Variants in PCDH9 observed in about 807,000 individuals in gnomAD.
PCDH9 encodes the protein protocadherin-9.
A neutral mutation model predicts 70.6 loss-of-function variants in PCDH9; 24 were observed. The observed-to-expected ratio is 0.34, with a 90% confidence interval of 0.25 to 0.48. The LOEUF (loss-of-function observed/expected upper bound fraction) is 0.48, where lower values mean the gene tolerates loss of function less well. PCDH9 is among the 20% of genes least tolerant of loss of function. The probability of loss-of-function intolerance (pLI) is 0.99; values close to 1 mark genes in which losing one functional copy is unlikely to be tolerated. For synonymous variants in PCDH9, 562 were observed against 558.5 expected, an observed-to-expected ratio of 1.01 and a Z score of -0.09; for missense variants, 1,281 against 1,503.6, an observed-to-expected ratio of 0.85 and a Z score of 2.45.
chr13:66,477,669 T>C (rs967281364), intron 4 of PCDH9, among the ~76,000 whole-genome samples: 11 of 152,186 alleles, frequency 7.2e-5, no homozygotes, highest in Non-Finnish European at 1.6e-4. Context: ...GTAAGACACT[T>C]ATAGTGTTTT....
At chr13:66,747,734 G>C (rs2079393847) in intron 3 of PCDH9, among the ~76,000 whole-genome samples, 1 of 151,848 alleles carries the variant, frequency 6.6e-6, no homozygotes, top group Non-Finnish European at 1.5e-5. Flanking sequence ...ATTTATCTAA[G>C]ATTAATACAC....
chr13:67,037,291 C>T (rs1005524262), intron 2 of PCDH9, among the ~76,000 whole-genome samples: 3 of 152,224 alleles, frequency 2.0e-5, no homozygotes, highest in Non-Finnish European at 4.4e-5. Flanking sequence ...GTTACTCGCT[C>T]GACTTGCAAC....
chr13:66,652,265 T>G (rs890896341), intron 3 of PCDH9, among the ~76,000 whole-genome samples: 24 of 152,106 alleles, frequency 1.6e-4, no homozygotes, highest in African/African-American at 5.8e-4. Flanking sequence ...TGATTAGAAC[T>G]GATAAAGTCA....
At chr13:66,619,021 T>C (rs553365075) in intron 4 of PCDH9, among the ~76,000 whole-genome samples, 1 of 152,322 alleles carries the variant, frequency 6.6e-6, no homozygotes, top group South Asian at 2.1e-4. Context: ...AAAATTTTTA[T>C]AGTAAACAAT....
intron 4 of PCDH9, among the ~76,000 whole-genome samples, chr13:66,622,068 G>A (rs2077429142): frequency 6.6e-6 from 1 of 152,246 alleles, no homozygotes; most frequent in African/African-American, 2.4e-5. Context: ...GTTGGCCCAG[G>A]GCAATGAGGG....
chr13:66,353,821 G>A (rs1956334448), intron 4 of PCDH9, among the ~76,000 whole-genome samples: 1 of 151,988 alleles, frequency 6.6e-6, no homozygotes, highest in Non-Finnish European at 1.5e-5. Context: ...ATTTGCTGCT[G>A]TATTTTTATC....
chr13:66,750,265 C>T (rs569637739), intron 3 of PCDH9, among the ~76,000 whole-genome samples: 8 of 152,194 alleles, frequency 5.3e-5, no homozygotes, highest in African/African-American at 1.7e-4. Flanking sequence ...AGTTAATTAT[C>T]AAACAATAAA....
At chr13:66,614,506 T>C (rs7988104) in intron 4 of PCDH9, among the ~76,000 whole-genome samples, 22,394 of 152,232 alleles carry the variant, frequency 0.15, 1,858 homozygotes, top group Middle Eastern at 0.2. Context: ...AAATAACTTA[T>C]GGTAATCTGG....
intron 2 of PCDH9, chr13:67,001,736 G>A (rs550676803): frequency 6.6e-6 from 1 of 152,390 alleles, no homozygotes; most frequent in Admixed American, 6.5e-5. Flanking sequence ...CCCCGCTTAA[G>A]AGCAGAACCT....
intron 2 of PCDH9, among the ~76,000 whole-genome samples, chr13:67,033,748 G>C (rs920661759): frequency 6.6e-6 from 1 of 152,114 alleles, no homozygotes; most frequent in Non-Finnish European, 1.5e-5. Context: ...TGTCTTTAAC[G>C]CTTAAGAAGA....
chr13:66,599,071 T>A (rs931621302), intron 4 of PCDH9, among the ~76,000 whole-genome samples: 1 of 151,862 alleles, frequency 6.6e-6, no homozygotes, highest in Non-Finnish European at 1.5e-5. Context: ...TTTCCTTTTT[T>A]GTAAAGCAAG....
At chr13:67,117,692 G>A (rs555978665) in intron 2 of PCDH9, among the ~76,000 whole-genome samples, 1 of 152,236 alleles carries the variant, frequency 6.6e-6, no homozygotes, top group South Asian at 2.1e-4. Context: ...AATCTTATCT[G>A]AGGTAATAAT....
intron 4 of PCDH9, among the ~76,000 whole-genome samples, chr13:66,446,547 C>T (rs1958093492): frequency 6.6e-6 from 1 of 151,988 alleles, no homozygotes; most frequent in Non-Finnish European, 1.5e-5. Context: ...AAGATCCATG[C>T]TACATATGAA....
At chr13:66,803,897 C>A (rs1435447403) in intron 3 of PCDH9, among the ~76,000 whole-genome samples, 1 of 152,142 alleles carries the variant, frequency 6.6e-6, no homozygotes, top group East Asian at 1.9e-4. Context: ...CTGACTGAGA[C>A]AGACATGCTG....
At chr13:66,783,467 G>T (rs1388395976) in intron 3 of PCDH9, among the ~76,000 whole-genome samples, 1 of 152,072 alleles carries the variant, frequency 6.6e-6, no homozygotes. Context: ...CTTAAAGGTG[G>T]TATGTGAAGG....
At chr13:66,750,055 G>C (rs1465564213) in intron 3 of PCDH9, among the ~76,000 whole-genome samples, 1 of 151,938 alleles carries the variant, frequency 6.6e-6, no homozygotes, top group Non-Finnish European at 1.5e-5. Flanking sequence ...TAGTGAGAAA[G>C]GTTTATTTCA....
intron 2 of PCDH9, among the ~76,000 whole-genome samples, chr13:67,117,989 G>A (rs561611402): frequency 4.6e-5 from 7 of 152,104 alleles, no homozygotes; most frequent in South Asian, 2.1e-4. Context: ...GTGTAACATC[G>A]CTCCATAAAT....
chr13:66,569,058 G>A (rs951197203), intron 4 of PCDH9, among the ~76,000 whole-genome samples: 3 of 128,418 alleles, frequency 2.3e-5, no homozygotes, highest in Non-Finnish European at 3.1e-5. Context: ...CTAGAGATCC[G>A]TGGCACGATC....
chr13:66,350,605 CA>C (rs1266972510), intron 4 of PCDH9, among the ~76,000 whole-genome samples: 1 of 152,006 alleles, frequency 6.6e-6, no homozygotes, highest in African/African-American at 2.4e-5. Context: ...TGTTTCAGGA[CA>C]AAAAAACATG....
Sources: gnomAD v4.1 joint callset for allele counts (sites outside exome capture counted in the v4.1 genomes callset) on GRCh38, gnomAD v4.1.1 for gene constraint, MANE v1.5 for transcripts, NCBI Gene and HGNC (gene_info 2026-07-23, HGNC 2026-07-21) for gene names.